The following PCDH15 variants were observed in gnomAD, a reference collection of about 807,000 sequenced individuals.
The protein encoded by PCDH15 is protocadherin-15.
PCDH15 carries 129 observed loss-of-function variants against 178.5 expected under a neutral mutation model. The ratio of observed to expected loss-of-function variants is 0.72; its 90% CI spans 0.63 to 0.84. The LOEUF is 0.84. Ranked by LOEUF, PCDH15 falls within the 40% of genes least tolerant of loss-of-function variation. The pLI is 0.00. For synonymous variants in PCDH15, 800 were observed against 732.0 expected (o/e 1.09, Z -1.50); for missense variants, 2,230 against 2,099.9 (o/e 1.06, Z -1.21).
At chr10:55,385,044 T>C (rs1177459699) in intron 2 of PCDH15, among the ~76,000 whole-genome samples, 1 of 152,214 alleles carries the variant, frequency 6.6e-6, no homozygotes, top group Non-Finnish European at 1.5e-5. Flanking sequence ...TTAAAAATCT[T>C]GAGTAAATAT....
intron 28 of PCDH15, among the ~76,000 whole-genome samples, chr10:53,854,913 T>C (rs1241981862): frequency 6.6e-6 from 1 of 152,086 alleles, no homozygotes; most frequent in Admixed American, 6.6e-5. Flanking sequence ...TTCACAATGA[T>C]ACGATTCTCT....
At chr10:55,145,553 A>G (rs1196755898) in intron 2 of PCDH15, among the ~76,000 whole-genome samples, 1 of 151,892 alleles carries the variant, frequency 6.6e-6, no homozygotes, top group East Asian at 1.9e-4. Context: ...AACTTTTTCT[A>G]CTTTATTAAT....
Position 54,048,744 on chromosome 10 carries a change from T to G in PCDH15, c.2220+18013A>C, listed in dbSNP as rs1024628144. Among the ~76,000 whole-genome samples the G allele has an allele frequency of 2.6e-5, 4 of 152,268 alleles. No individual in the cohort carries two copies. The East Asian group carries it at 7.7e-4, about 29-fold the overall frequency. ...TGTTCCGTTAACCTATGTGTCTGTC[T>G]ATGTGTAGCCTATACTACTGTAGGC... On this transcript the variant is annotated intron_variant, in intron 18 of 37. Coordinates refer to ENST00000644397, the MANE Select transcript of PCDH15 (RefSeq NM_001384140.1).
chr10:55,074,989 T>C (rs1197006492), intron 2 of PCDH15, among the ~76,000 whole-genome samples: 2 of 152,166 alleles, frequency 1.3e-5, no homozygotes, highest in African/African-American at 4.8e-5. Flanking sequence ...TCCCTATTGC[T>C]TGTTTTAGTC....
chr10:54,701,449 T>C (rs78978641), intron 1 of PCDH15, among the ~76,000 whole-genome samples: 12,065 of 152,100 alleles, frequency 0.079, 535 homozygotes, highest in South Asian at 0.15. Flanking sequence ...TATCTGCACA[T>C]ATCAGTATTA....
At chr10:55,580,416 G>A (rs1402253250) in intron 2 of PCDH15, among the ~76,000 whole-genome samples, 1 of 147,040 alleles carries the variant, frequency 6.8e-6, no homozygotes, top group African/African-American at 2.5e-5. Flanking sequence ...GGAGTTAAGT[G>A]ACATGATCTC....
chr10:54,338,060 A>G (rs1222882946), intron 6 of PCDH15, among the ~76,000 whole-genome samples: 2 of 152,208 alleles, frequency 1.3e-5, no homozygotes, highest in Non-Finnish European at 1.5e-5. Context: ...TTCACATTTA[A>G]TGATGCATTA....
chr10:55,579,098 G>C (rs543942286), intron 2 of PCDH15, among the ~76,000 whole-genome samples: 3 of 152,244 alleles, frequency 2.0e-5, no homozygotes, highest in Admixed American at 2.0e-4. Flanking sequence ...AAAGAGAATT[G>C]TTAATACTTG....
intron 2 of PCDH15, among the ~76,000 whole-genome samples, chr10:54,639,512 C>A (rs1027792650): frequency 5.3e-5 from 8 of 152,092 alleles, no homozygotes; most frequent in Admixed American, 2.0e-4. Flanking sequence ...AGGATTATTT[C>A]TCCATAATTT....
At chr10:55,151,330 A>G (rs112075706) in intron 2 of PCDH15, among the ~76,000 whole-genome samples, 2,089 of 152,222 alleles carry the variant, frequency 0.014, 25 homozygotes, top group Non-Finnish European at 0.021. Context: ...AACTTTGAGC[A>G]CATATGCATC....
intron 26 of PCDH15, among the ~76,000 whole-genome samples, chr10:53,871,752 TTTG>T (rs2079877109): frequency 6.6e-6 from 1 of 151,954 alleles, no homozygotes; most frequent in South Asian, 2.1e-4. Context: ...TTTGTTTTGT[TTTG>T]TTTTGTTTTG....
chr10:53,828,062 C>T (rs980167255), intron 31 of PCDH15, among the ~76,000 whole-genome samples: 7 of 151,656 alleles, frequency 4.6e-5, no homozygotes, highest in Admixed American at 4.6e-4. Context: ...ATGCCTAGGC[C>T]GGGCACGGTG....
intron 2 of PCDH15, among the ~76,000 whole-genome samples, chr10:54,903,574 T>A (rs999882597): frequency 5.3e-4 from 81 of 152,100 alleles, no homozygotes; most frequent in African/African-American, 1.9e-3. Context: ...TGCCATGTTT[T>A]TTTTTTGGGA....
intron 3 of PCDH15, among the ~76,000 whole-genome samples, chr10:54,498,076 A>T (rs2080301791): frequency 6.6e-6 from 1 of 152,112 alleles, no homozygotes; most frequent in South Asian, 2.1e-4. Flanking sequence ...GGCAACATAA[A>T]AAGGGAACCC....
rs1417675125 is a variant in PCDH15, at chr10:54,269,972, AAT to A, written c.877-33043_877-33042del. Among the ~76,000 whole-genome samples the A allele has an allele frequency of 2.0e-5, 3 of 152,184 alleles. No homozygotes were observed. In the South Asian group the frequency reaches 6.2e-4, roughly 32 times the overall value. ...CCCATAATTATACCCATAATTTAAA[AAT>A]ATGTTACCTGAAGTAAATTATTACA... On this transcript the variant is annotated intron_variant, in intron 8 of 37. Transcript: ENST00000644397.
chr10:54,992,674 G>A (rs1376961049), intron 2 of PCDH15, among the ~76,000 whole-genome samples: 1 of 151,500 alleles, frequency 6.6e-6, no homozygotes, highest in Non-Finnish European at 1.5e-5. Flanking sequence ...AGAATGGCAT[G>A]AACCTGGAAG....
At chr10:54,459,509 CA>C (rs2136429228) in intron 3 of PCDH15, among the ~76,000 whole-genome samples, 1 of 151,816 alleles carries the variant, frequency 6.6e-6, no homozygotes, top group Admixed American at 6.6e-5. Context: ...TGAGGATTTG[CA>C]GTATAAAATT....
chr10:55,504,033 G>A (rs1840710492), intron 2 of PCDH15, among the ~76,000 whole-genome samples: 3 of 151,364 alleles, frequency 2.0e-5, no homozygotes, highest in Admixed American at 6.6e-5. Context: ...GGAATGAGTA[G>A]GTGGAGGACA....
At chr10:54,270,471 G>T (rs549405371) in intron 8 of PCDH15, among the ~76,000 whole-genome samples, 85 of 152,102 alleles carry the variant, frequency 5.6e-4, no homozygotes, top group Non-Finnish European at 1.1e-3. Flanking sequence ...ATAGCCCTGG[G>T]AATTCATTGA....
Sources: gnomAD v4.1 joint callset for allele counts (sites outside exome capture counted in the v4.1 genomes callset) on GRCh38, gnomAD v4.1.1 for gene constraint, MANE v1.5 for transcripts, NCBI Gene and HGNC (gene_info 2026-07-23, HGNC 2026-07-21) for gene names.